CFAP299: variants seen among roughly 807,000 people sequenced by gnomAD.
The protein encoded by CFAP299 is cilia- and flagella-associated protein 299.
A neutral mutation model predicts 27.0 loss-of-function variants in CFAP299; 21 were observed. The observed-to-expected ratio is 0.78, with a 90% CI of 0.55 to 1.12. The LOEUF is 1.12. Ranked by LOEUF, CFAP299 falls within the 50% of genes most tolerant of loss-of-function variation. The pLI is 0.00. For missense variants in CFAP299, 310 were observed against 276.6 expected (o/e 1.12, Z -0.86); for synonymous variants, 104 against 98.1 (o/e 1.06, Z -0.36).
Position 80,475,093 on chromosome 4 carries a change from TG to T in CFAP299, c.243-107994del, listed in dbSNP as rs538466228. On this transcript the variant is annotated intron_variant, in intron 2 of 5. Coordinates refer to ENST00000358105, the MANE Select transcript of CFAP299 (RefSeq NM_152770.3). ...TTGAAGGGGAGTAAGTGTGGCCTGT[TG>T]GGGGGTAGTGAGAAGGCCATGTGGC... 2.3e-3 allele frequency among the ~76,000 whole-genome samples: 355 copies of T among 152,098 alleles called. 2 individuals carry two copies. Among genetic ancestry groups the T allele is most frequent in the African/African-American group, 7.8e-3 (323 of 41,490 alleles).
At chr4:80,550,295 A>G (rs1734436285) in intron 2 of CFAP299, among the ~76,000 whole-genome samples, 1 of 152,090 alleles carries the variant, frequency 6.6e-6, no homozygotes, top group Non-Finnish European at 1.5e-5. Flanking sequence ...TCTAGTAAAC[A>G]TTTAGTTAAT....
chr4:80,331,297 A>G (rs574364270), upstream of CFAP299, among the ~76,000 whole-genome samples: 12 of 152,226 alleles, frequency 7.9e-5, no homozygotes, highest in Non-Finnish European at 1.6e-4. Context: ...CTTGTAAGCC[A>G]TGTCAAAAAG....
At chr4:80,727,489 A>G (rs1723228627) in intron 3 of CFAP299, among the ~76,000 whole-genome samples, 3 of 152,114 alleles carry the variant, frequency 2.0e-5, no homozygotes, top group African/African-American at 7.2e-5. Flanking sequence ...AAGGTGGTCA[A>G]GAGAAATTAA....
chr4:80,926,778 G>A (rs956779233), intron 4 of CFAP299, among the ~76,000 whole-genome samples: 2 of 152,048 alleles, frequency 1.3e-5, no homozygotes, highest in Admixed American at 1.3e-4. Context: ...AATGGAAAGA[G>A]TTCTGATATA....
chr4:80,428,152 C>T (rs192932617), intron 2 of CFAP299, among the ~76,000 whole-genome samples: 1 of 152,300 alleles, frequency 6.6e-6, no homozygotes, highest in Admixed American at 6.5e-5. Context: ...CACCTTACCC[C>T]TGTTTTTGTT....
chr4:80,855,716 T>A (rs1731827895), intron 3 of CFAP299, among the ~76,000 whole-genome samples: 3 of 152,246 alleles, frequency 2.0e-5, no homozygotes. Flanking sequence ...TTCATCTATG[T>A]CCCTACAAAG....
At chr4:80,611,311 A>C (rs1737965897) in intron 3 of CFAP299, among the ~76,000 whole-genome samples, 1 of 150,212 alleles carries the variant, frequency 6.7e-6, no homozygotes, top group South Asian at 2.1e-4. Context: ...TGTTGAGCAA[A>C]GTTTTAAAAT....
intron 4 of CFAP299, chr4:80,871,568 T>C (rs1426523905): frequency 3.1e-5 from 31 of 985,330 alleles, no homozygotes; most frequent in Non-Finnish European, 3.5e-5. Context: ...TCTTGGCAAA[T>C]GGCATCACCC....
At position 80,897,797 on chromosome 4, in the gene CFAP299, A is replaced by G. The variant is rs183939578; in HGVS notation, c.476+27662A>G. On this transcript the variant is annotated intron_variant, in intron 4 of 5. Coordinates refer to ENST00000358105, the MANE Select transcript of CFAP299 (RefSeq NM_152770.3). Reference sequence around the variant, plus strand: ...TTATGCCCTGTGTCTTTCCCCACATAACTTAGTTTCACATTGATTTCCCCT... The same window carrying G: ...TTATGCCCTGTGTCTTTCCCCACATGACTTAGTTTCACATTGATTTCCCCT... 2.6e-5 allele frequency among the ~76,000 whole-genome samples: 4 copies of G among 152,242 alleles called. No individual in the cohort carries two copies. The East Asian group carries it at 7.7e-4, about 29-fold the overall frequency.
intron 3 of CFAP299, among the ~76,000 whole-genome samples, chr4:80,858,924 G>T (rs1234474029): frequency 1.3e-5 from 2 of 152,082 alleles, no homozygotes; most frequent in Non-Finnish European, 2.9e-5. Context: ...TGTCTATTAG[G>T]TCCGCTTGGT....
At chr4:80,454,318 T>TA (rs1344233182) in intron 2 of CFAP299, among the ~76,000 whole-genome samples, 1 of 152,226 alleles carries the variant, frequency 6.6e-6, no homozygotes, top group African/African-American at 2.4e-5. Context: ...GCAACAATCC[T>TA]ATGATTCACA....
chr4:80,731,433 T>G (rs911343345), intron 3 of CFAP299, among the ~76,000 whole-genome samples: 8 of 152,216 alleles, frequency 5.3e-5, no homozygotes. Context: ...AATAATGGCT[T>G]GTAAAATAAC....
chr4:80,358,353 T>C (rs1369782120), intron 1 of CFAP299, among the ~76,000 whole-genome samples: 3 of 152,106 alleles, frequency 2.0e-5, no homozygotes. Context: ...CAGTTCCACT[T>C]GATTTAATGC....
At chr4:80,812,901 T>G (rs1033440964) in intron 3 of CFAP299, among the ~76,000 whole-genome samples, 1 of 152,152 alleles carries the variant, frequency 6.6e-6, no homozygotes, top group Non-Finnish European at 1.5e-5. Flanking sequence ...ATAGGATTTA[T>G]AGGCACATTC....
At chr4:80,689,706 T>C (rs1002554118) in intron 3 of CFAP299, among the ~76,000 whole-genome samples, 3 of 152,124 alleles carry the variant, frequency 2.0e-5, no homozygotes, top group Admixed American at 6.5e-5. Flanking sequence ...TAACTTTAAA[T>C]GTAAATGGAC....
At chr4:80,874,476 C>T (rs1320311040) in intron 4 of CFAP299, among the ~76,000 whole-genome samples, 6 of 152,124 alleles carry the variant, frequency 3.9e-5, no homozygotes, top group African/African-American at 1.2e-4. Flanking sequence ...TAACAAAATA[C>T]CACAGACTGT....
At chr4:80,853,275 C>G (rs910663905) in intron 3 of CFAP299, among the ~76,000 whole-genome samples, 1 of 152,164 alleles carries the variant, frequency 6.6e-6, no homozygotes, top group Non-Finnish European at 1.5e-5. Flanking sequence ...AGGTGATTCA[C>G]CCGCCTCGAC....
At chr4:80,881,715 C>T (rs111248806) in intron 4 of CFAP299, among the ~76,000 whole-genome samples, 22 of 152,116 alleles carry the variant, frequency 1.4e-4, no homozygotes, top group Non-Finnish European at 7.4e-5. Flanking sequence ...GAAAACATAA[C>T]AAAATTTAAA....
rs577339764 is a variant in CFAP299, at chr4:80,418,379, C to A, written c.242+55495C>A. Reference sequence around the variant, plus strand: ...AAAAGTGTTATACATTGACAAATGACAGTTGTATATATTTATAGGATACAA... The same window carrying A: ...AAAAGTGTTATACATTGACAAATGAAAGTTGTATATATTTATAGGATACAA... On this transcript the variant is annotated intron_variant, in intron 2 of 5. Coordinates refer to ENST00000358105, the MANE Select transcript of CFAP299 (RefSeq NM_152770.3). Among the ~76,000 whole-genome samples, 14 of 152,056 alleles carry A rather than the reference C, an allele frequency of 9.2e-5. No homozygotes were observed. The South Asian group carries it at 2.9e-3, about 32-fold the overall frequency.
Sources: allele counts gnomAD v4.1 joint callset (sites outside exome capture counted in the v4.1 genomes callset), GRCh38; gene constraint gnomAD v4.1.1; transcripts MANE v1.5; gene names NCBI Gene and HGNC (gene_info 2026-07-23, HGNC 2026-07-21).